The following BABAM2 variants were observed in gnomAD, a reference collection of about 807,000 sequenced individuals.
The protein encoded by BABAM2 is BRISC and BRCA1-A complex member 2.
BABAM2 carries 31 observed loss-of-function variants against 54.7 expected under a neutral mutation model. The ratio of observed to expected loss-of-function variants is 0.57; its 90% confidence interval spans 0.43 to 0.77. The LOEUF is 0.77. BABAM2 is among the 30% of genes least tolerant of loss of function. The probability of loss-of-function intolerance (pLI) is 0.00; values close to 1 mark genes in which losing one functional copy is unlikely to be tolerated. For synonymous variants in BABAM2, 167 were observed against 162.9 expected, an observed-to-expected ratio of 1.03 and a Z score of -0.19; for missense variants, 364 against 455.8, an observed-to-expected ratio of 0.80 and a Z score of 1.83.
intron 6 of BABAM2, among the ~76,000 whole-genome samples, chr2:28,095,357 A>C (rs1666520703): frequency 6.6e-6 from 1 of 152,160 alleles, no homozygotes; most frequent in African/African-American, 2.4e-5. Flanking sequence ...CTGTTGGCTT[A>C]CTTTCCTGTC....
chr2:28,269,637 G>C (rs1685255653), intron 10 of BABAM2, among the ~76,000 whole-genome samples: 1 of 152,146 alleles, frequency 6.6e-6, no homozygotes, highest in Non-Finnish European at 1.5e-5. Context: ...GGTAACTGGA[G>C]ATAAAGGCAG....
At chr2:28,279,902 G>T (rs973035616) in intron 10 of BABAM2, among the ~76,000 whole-genome samples, 1 of 151,784 alleles carries the variant, frequency 6.6e-6, no homozygotes, top group Admixed American at 6.6e-5. Context: ...CTGACCTCAG[G>T]TGATCTGCCT....
chr2:28,120,259 A>G (rs920725849), intron 6 of BABAM2, among the ~76,000 whole-genome samples: 4 of 152,246 alleles, frequency 2.6e-5, no homozygotes, highest in Non-Finnish European at 5.9e-5. Flanking sequence ...TTGGATAATA[A>G]GGGAAGAAGA....
In BABAM2 at chr2:27,964,169, T is replaced by C. The variant is rs749406781; in HGVS notation, c.206-23824T>C. On this transcript the variant is annotated intron_variant, in intron 3 of 11. Coordinates refer to ENST00000379624, the MANE Select transcript of BABAM2 (RefSeq NM_199191.3). ...GGGTTGTTATAAAATGAACCTCTCA[T>C]GTGTTGCCCTTTTCCCTTCTCATGT... Among the ~76,000 whole-genome samples, 169 of 152,262 alleles carry C rather than the reference T, an allele frequency of 1.1e-3. 1 individual carries two copies. The highest frequency in any genetic ancestry group is 2.0e-3 in the Non-Finnish European group (138 of 68,010).
At chr2:28,206,189 A>G (rs542607289) in intron 7 of BABAM2, among the ~76,000 whole-genome samples, 17 of 152,290 alleles carry the variant, frequency 1.1e-4, no homozygotes, top group Non-Finnish European at 1.6e-4. Flanking sequence ...CTATGTTTTC[A>G]TGGTACCTAT....
At chr2:27,974,683 A>T (rs1558630161) in intron 3 of BABAM2, among the ~76,000 whole-genome samples, 1 of 152,150 alleles carries the variant, frequency 6.6e-6, no homozygotes, top group Admixed American at 6.5e-5. Flanking sequence ...TTTTCTTCTA[A>T]GACTGAGAAT....
chr2:28,269,210 C>T (rs1303137128), intron 10 of BABAM2, among the ~76,000 whole-genome samples: 1 of 152,212 alleles, frequency 6.6e-6, no homozygotes, highest in African/African-American at 2.4e-5. Context: ...TTATCTGTTG[C>T]TGGCAAACTG....
chr2:27,964,302 T>A (rs556599026), intron 3 of BABAM2, among the ~76,000 whole-genome samples: 5 of 152,332 alleles, frequency 3.3e-5, no homozygotes, highest in South Asian at 4.1e-4. Context: ...CCTGTGGAAC[T>A]GTGCACTAAA....
intron 5 of BABAM2, among the ~76,000 whole-genome samples, chr2:28,040,476 A>G (rs1677008573): frequency 1.3e-5 from 2 of 150,452 alleles, no homozygotes; most frequent in South Asian, 2.1e-4. Context: ...AATTTTTTGT[A>G]TTTTTAGTAG....
At position 28,236,071 on chromosome 2, in the gene BABAM2, ATAATCACAACATTAAGAAG is replaced by A. The variant is rs1003261336; in HGVS notation, c.681-1114_681-1096del. 2.4e-4 allele frequency among the ~76,000 whole-genome samples: 36 copies of A among 152,160 alleles called. 1 individual carries two copies. Among genetic ancestry groups the A allele is most frequent in the Admixed American group, 2.1e-3 (32 of 15,282 alleles). On this transcript the variant is annotated intron_variant, in intron 7 of 11. Coordinates refer to ENST00000379624, the MANE Select transcript of BABAM2 (RefSeq NM_199191.3). ...GATAATAATCCAACATTATAAATAA[ATAATCACAACATTAAGAAG>A]TAATCACAACATTAAGGGATTTTAG...
At chr2:28,188,081 A>G (rs891306438) in intron 7 of BABAM2, among the ~76,000 whole-genome samples, 8 of 152,120 alleles carry the variant, frequency 5.3e-5, no homozygotes, top group African/African-American at 1.9e-4. Flanking sequence ...GTTGAACTCA[A>G]GTTTGAAATT....
intron 6 of BABAM2, among the ~76,000 whole-genome samples, chr2:28,046,289 T>TACTAA (rs1171993110): frequency 3.3e-5 from 5 of 151,998 alleles, no homozygotes; most frequent in Non-Finnish European, 4.4e-5. Context: ...ACCCTGTCTC[T>TACTAA]ACTAAAAAAA....
chr2:27,949,533 CAAA>C (rs1042311055), intron 3 of BABAM2, among the ~76,000 whole-genome samples: 4 of 73,744 alleles, frequency 5.4e-5, no homozygotes, highest in Admixed American at 1.5e-4. Context: ...GATTCCGTCT[CAAA>C]AAAAAAAAAA....
chr2:27,919,673 A>G (rs940881316), intron 2 of BABAM2, among the ~76,000 whole-genome samples: 11 of 152,210 alleles, frequency 7.2e-5, no homozygotes, highest in Admixed American at 5.2e-4. Context: ...AAGGTTGAAA[A>G]TTAATAAGCT....
chr2:27,979,320 C>T lies in BABAM2; in HGVS notation c.206-8673C>T, dbSNP rs528417696. Among the ~76,000 whole-genome samples the T allele has an allele frequency of 1.8e-3, 281 of 152,034 alleles. 3 individuals are homozygous for T. The highest frequency in any genetic ancestry group is 2.8e-3 in the Non-Finnish European group (193 of 67,984). ...AAGTGCTGAGATTACAGGTGTGAGCCACTGCGCCTGGCCTATGTACATTTT... is the reference window on the plus strand; with the variant it reads ...AAGTGCTGAGATTACAGGTGTGAGCTACTGCGCCTGGCCTATGTACATTTT... On this transcript the variant is annotated intron_variant, in intron 3 of 11. Coordinates refer to ENST00000379624, the MANE Select transcript of BABAM2 (RefSeq NM_199191.3).
chr2:28,296,016 C>T (rs1051776742), intron 10 of BABAM2, among the ~76,000 whole-genome samples: 1 of 152,002 alleles, frequency 6.6e-6, no homozygotes, highest in African/African-American at 2.4e-5. Flanking sequence ...GACTGAGGCA[C>T]GAGAATTGCC....
At chr2:28,117,127 G>A (rs1668680315) in intron 6 of BABAM2, among the ~76,000 whole-genome samples, 3 of 152,302 alleles carry the variant, frequency 2.0e-5, no homozygotes, top group South Asian at 4.2e-4. Context: ...AGCAAGTCCA[G>A]AGAACTAGCC....
chr2:27,991,033 A>G (rs1224926020), intron 4 of BABAM2, among the ~76,000 whole-genome samples: 5 of 152,160 alleles, frequency 3.3e-5, no homozygotes, highest in Non-Finnish European at 7.3e-5. Flanking sequence ...AAAATACTAG[A>G]TAGAGAGGTA....
chr2:28,264,362 CTT>C (rs1334663069), intron 10 of BABAM2, among the ~76,000 whole-genome samples: 3 of 152,136 alleles, frequency 2.0e-5, no homozygotes, highest in East Asian at 1.9e-4. Context: ...AAAAAAAACT[CTT>C]TGGCTAAGCT....
Sources: gnomAD v4.1 joint callset for allele counts (sites outside exome capture counted in the v4.1 genomes callset) on GRCh38, gnomAD v4.1.1 for gene constraint, MANE v1.5 for transcripts, NCBI Gene and HGNC (gene_info 2026-07-23, HGNC 2026-07-21) for gene names.